Variants in NOTCH1 observed in about 807,000 individuals in gnomAD.
NOTCH1 encodes the protein neurogenic locus notch homolog protein 1.
In NOTCH1, 37 loss-of-function variants were observed where a neutral mutation model predicts 254.8. The ratio of observed to expected loss-of-function variants is 0.15; its 90% CI spans 0.11 to 0.19. The LOEUF (loss-of-function observed/expected upper bound fraction) is 0.19. NOTCH1 is among the 10% of genes least tolerant of loss of function. NOTCH1 has a pLI of 1.00. For missense variants in NOTCH1, 2,972 were observed against 3,708.6 expected (o/e 0.80, Z 5.16); for synonymous variants, 1,731 against 1,618.1 (o/e 1.07, Z -1.68).
intron 15 of NOTCH1, 134 bp downstream of exon 15, chr9:136,512,887 C>T (rs1843203025): frequency 1.5e-6 from 1 of 660,190 alleles, no homozygotes; most frequent in Non-Finnish European, 2.7e-6. Context: ...CTTTACCCTC[C>T]AGTCACGGCT....
chr9:136,499,074 C>T (rs779129110), intron 32 of NOTCH1, 38 bp downstream of exon 32: 15 of 1,612,644 alleles, frequency 9.3e-6, no homozygotes, highest in Admixed American at 3.3e-5. Flanking sequence ...GTGGCGGTCC[C>T]GCCCCACGAC....
Position 136,513,149 on chromosome 9 carries a change from A to G in NOTCH1, c.2354-15T>C, listed in dbSNP as rs1843210302. On this transcript the variant is annotated splice_polypyrimidine_tract_variant and intron_variant, in intron 14 of 33. Transcript: ENST00000651671. The surrounding 1 kb of genome is among the most constrained non-coding windows in gnomAD (Gnocchi z 4.7). ...GCAGTTGGGACCTGGAGGGAAGGGGACAGCACTCGGCATGTCCAGCACTCC... is the reference window on the plus strand; with the variant it reads ...GCAGTTGGGACCTGGAGGGAAGGGGGCAGCACTCGGCATGTCCAGCACTCC... The G allele has an allele frequency of 1.2e-6, 2 of 1,601,704 alleles. No homozygotes were observed. The highest frequency in any genetic ancestry group is 1.1e-5 in the South Asian group (1 of 90,806).
intron 4 of NOTCH1, 132 bp from the exon 5 acceptor site, chr9:136,519,697 C>T: frequency 2.3e-6 from 3 of 1,312,894 alleles, no homozygotes; most frequent in South Asian, 1.2e-5. Flanking sequence ...GGGGTCTGTG[C>T]CCGTCCCCTG....
chr9:136,517,502 G>A (rs964430189), intron 8 of NOTCH1, 117 bp from the exon 9 acceptor site: 19 of 861,202 alleles, frequency 2.2e-5, no homozygotes, highest in East Asian at 1.1e-4. Context: ...CAGCCACCAC[G>A]GGCCCCCTGC....
intron 2 of NOTCH1, among the ~76,000 whole-genome samples, chr9:136,539,749 G>A (rs978235503): frequency 6.6e-6 from 1 of 152,214 alleles, no homozygotes; most frequent in African/African-American, 2.4e-5. Flanking sequence ...AGCTCAGCAT[G>A]AGGAGGAGAA....
Position 136,507,877 on chromosome 9 carries a change from G to A in NOTCH1, c.3510+78C>T, listed in dbSNP as rs1399597288. The A allele has an allele frequency of 4.7e-6, 7 of 1,478,298 alleles. No homozygotes were observed. In the East Asian group the frequency reaches 1.1e-4, roughly 24 times the overall value. 91.6% of individuals were successfully genotyped at this position (1,478,298 alleles called of 1,614,324 possible). A position where few individuals can be genotyped will look rare whatever the true frequency, so the allele number is the denominator to read the frequency against. On this transcript the variant is annotated intron_variant, in intron 21 of 33. Coordinates refer to ENST00000651671, the MANE Select transcript of NOTCH1 (RefSeq NM_017617.5). ...CCTATCAGGTTCAGTTTTCTCCACTGGGCCAGCTCCCAGCCAGGGCCTGGT... is the reference window on the plus strand; with the variant it reads ...CCTATCAGGTTCAGTTTTCTCCACTAGGCCAGCTCCCAGCCAGGGCCTGGT...
In NOTCH1 at chr9:136,501,983, G is replaced by A. The variant is rs199812169; in HGVS notation, c.5472+18C>T. 1.2e-5 allele frequency: 20 copies of A among 1,612,110 alleles called. No homozygotes were observed. Among genetic ancestry groups the A allele is most frequent in the South Asian group, 4.4e-5 (4 of 91,082 alleles). On this transcript the variant is annotated intron_variant, in intron 29 of 33. Transcript: ENST00000651671. ...CAGGTGCCCGGGAGCCCAGGAGCCC[G>A]GGAGCCTCGCGACTCACCCGGAACT... is the stretch of plus-strand genomic sequence containing the variant.
chr9:136,510,641 G>T lies in NOTCH1; in HGVS notation c.2740+12C>A, dbSNP rs36119806. On this transcript the variant is annotated intron_variant, in intron 17 of 33. Transcript: ENST00000651671. ...GCTTCCTGGAGGAGGCCAGAGCCGC[G>T]GGGCTACTCACTGGGCCGGCAGTCG... 5 of 1,600,876 alleles carry T rather than the reference G, an allele frequency of 3.1e-6. No homozygotes were observed. Among genetic ancestry groups the T allele is most frequent in the East Asian group, 2.2e-5 (1 of 44,540 alleles).
Position 136,545,711 on chromosome 9 carries a change from T to A in NOTCH1, c.61+15A>T. The A allele has an allele frequency of 2.1e-6, 3 of 1,398,782 alleles. No individual in the cohort carries two copies. The South Asian group carries it at 4.1e-5, about 19-fold the overall frequency. 86.6% of individuals were successfully genotyped at this position (1,398,782 alleles called of 1,614,324 possible). A position where few individuals can be genotyped will look rare whatever the true frequency, so the allele number is the denominator to read the frequency against. On this transcript the variant is annotated intron_variant, in intron 1 of 33. Transcript: ENST00000651671. This position sits in a 1 kb window ranked among gnomAD's most constrained non-coding sequence, Gnocchi z 6.8. ...GGCGCGGAAAGTGGGGGCTCGCGGG[T>A]GGGTGGGCGCCTACCTCGTGCGGCG...
At chr9:136,507,735 C>A (rs771702465) in intron 21 of NOTCH1, among the ~76,000 whole-genome samples, 1 of 152,184 alleles carries the variant, frequency 6.6e-6, no homozygotes, top group Admixed American at 6.5e-5. Flanking sequence ...GAAGGGAAAA[C>A]CCCATCCCAC....
At position 136,495,390 on chromosome 9, in the gene NOTCH1, C is replaced by T. The variant is rs1842900564; in HGVS notation, c.*681G>A. Reference sequence around the variant, plus strand: ...CATGGGTGCACTCTTGGCATACACACTCCGAGAACACATTTTCACAAGCAT... The same window carrying T: ...CATGGGTGCACTCTTGGCATACACATTCCGAGAACACATTTTCACAAGCAT... On this transcript the variant is annotated 3_prime_UTR_variant, in exon 34 of 34. Coordinates refer to ENST00000651671, the MANE Select transcript of NOTCH1 (RefSeq NM_017617.5). 2.5e-6 allele frequency: 1 copy of T among 398,916 alleles called. No homozygotes were observed. Among genetic ancestry groups the T allele is most frequent in the African/African-American group, 2.1e-5 (1 of 48,652 alleles). 24.7% of individuals were successfully genotyped at this position (398,916 alleles called of 1,614,324 possible). A position where few individuals can be genotyped will look rare whatever the true frequency, so the allele number is the denominator to read the frequency against.
chr9:136,527,336 C>T (rs537631350), intron 2 of NOTCH1, among the ~76,000 whole-genome samples: 12 of 152,360 alleles, frequency 7.9e-5, no homozygotes, highest in African/African-American at 1.4e-4. Flanking sequence ...ACAGCTTTGG[C>T]GCTGGCCACA....
At chr9:136,528,575 G>A (rs1052194187) in intron 2 of NOTCH1, among the ~76,000 whole-genome samples, 8 of 151,482 alleles carry the variant, frequency 5.3e-5, no homozygotes, top group East Asian at 1.9e-4. Context: ...GGGACAGTGC[G>A]GGGGCCTCTC....
At position 136,504,848 on chromosome 9, in the gene NOTCH1, TCTG is replaced by T; in HGVS notation, c.4840_4842del (p.Gln1614del). 6.3e-7 allele frequency: 1 copy of T among 1,580,874 alleles called. No individual in the cohort carries two copies. The highest frequency in any genetic ancestry group is 8.6e-7 in the Non-Finnish European group (1 of 1,163,946). ...TCGCGGCCGTAGTAGGGGAAGATCATCTGCTGGCCGTGTGCGTCACGCTTGAAG... is the reference window on the plus strand; with the variant it reads ...TCGCGGCCGTAGTAGGGGAAGATCATCTGGCCGTGTGCGTCACGCTTGAAG... On this transcript the variant is annotated inframe_deletion, in exon 26 of 34. Coordinates refer to ENST00000651671, the MANE Select transcript of NOTCH1 (RefSeq NM_017617.5).
rs1028379824 is a variant in NOTCH1 at position 136,502,205 on chromosome 9, G to T, written c.5384+67C>A. On this transcript the variant is annotated intron_variant, in intron 28 of 33. Transcript: ENST00000651671. ...CCTGGGTCGGGAGGGGCAGACTCCC[G>T]GTGAGGATGCTCGGCCAGGTCCCAC... The T allele has an allele frequency of 9.4e-6, 12 of 1,280,248 alleles. No homozygotes were observed. In the East Asian group the frequency reaches 1.1e-4, roughly 12 times the overall value. The allele number at this position is 1,280,248 out of a possible 1,614,324, so 79.3% of individuals were successfully genotyped here.
rs1221004270 is a variant in NOTCH1, at chr9:136,513,753, G to A, written c.2208-216C>T. Among the ~76,000 whole-genome samples, 1 of 152,212 alleles carries A rather than the reference G, an allele frequency of 6.6e-6. No homozygotes were observed. Among genetic ancestry groups the A allele is most frequent in the Non-Finnish European group, 1.5e-5 (1 of 68,034 alleles). ...GTGGCTGAGTCACTTGAGGCCAGGA[G>A]TTCAAGATCAGCCTGGCCAACATGG... On this transcript the variant is annotated intron_variant, in intron 13 of 33. Coordinates refer to ENST00000651671, the MANE Select transcript of NOTCH1 (RefSeq NM_017617.5). This position sits in a 1 kb window ranked among gnomAD's most constrained non-coding sequence, Gnocchi z 4.7.
Position 136,545,741 on chromosome 9 carries a change from C to T in NOTCH1, c.46G>A (p.Ala16Thr), listed in dbSNP as rs2133408578. The change falls in exon 1 of 34, where the codon GCG becomes ACG. Residue 16 changes from alanine to threonine, a missense_variant. By Grantham distance (58) the Ala-to-Thr change is moderately conservative. Around this residue, in one of 8 missense-constraint regions of NOTCH1, gnomAD observed 374 missense variants for 496.3 expected, o/e 0.75. Coordinates refer to ENST00000651671, the MANE Select transcript of NOTCH1 (RefSeq NM_017617.5). The surrounding 1 kb of genome is among the most constrained non-coding windows in gnomAD (Gnocchi z 6.8). ...GGGCGCCTACCTCGTGCGGCGAGCG[C>T]GGGCAGCAGCGCCAGGCAGAGCAGG... ...APLLCLALLP[A>T]LAARGPRCSQ... The T allele has an allele frequency of 1.4e-6, 2 of 1,423,702 alleles. No individual in the cohort carries two copies. The highest frequency in any genetic ancestry group is 1.8e-6 in the Non-Finnish European group (2 of 1,092,860). The allele number at this position is 1,423,702 out of a possible 1,614,324, so 88.2% of individuals were successfully genotyped here. A position where few individuals can be genotyped will look rare whatever the true frequency, so the allele number is the denominator to read the frequency against.
Position 136,523,884 on chromosome 9 carries a change from C to T in NOTCH1, c.236G>A (p.Arg79His), listed in dbSNP as rs768517628. ...GCAGGCATAGTCTGCCACGCCTCTG[C>T]GGTCCACCACGTGGCATGTCCCGGC... The part of the protein sequence containing the change: ...KNAGTCHVVD[R>H]RGVADYACSC... The change falls in exon 3 of 34, where the codon CGC (arginine) becomes CAC (histidine). Residue 79 changes from arginine (R) to histidine (H), a missense_variant. By Grantham distance (29) the Arg-to-His change is conservative. Around this residue, in one of 8 missense-constraint regions of NOTCH1, gnomAD observed 374 missense variants for 496.3 expected, o/e 0.75. Coordinates refer to ENST00000651671, the MANE Select transcript of NOTCH1 (RefSeq NM_017617.5). 3.7e-6 allele frequency: 6 copies of T among 1,609,476 alleles called. No homozygotes were observed. Among genetic ancestry groups the T allele is most frequent in the South Asian group, 1.1e-5 (1 of 90,326 alleles).
Position 136,494,780 on chromosome 9 carries a change from A to C in NOTCH1, c.*1291T>G. On this transcript the variant is annotated 3_prime_UTR_variant, in exon 34 of 34. Transcript: ENST00000651671. ...TGACACACAACAGACTCATTCATTA[A>C]GATTTTTTAAACAAAATCCACCTTT... The C allele has an allele frequency of 2.5e-6, 1 of 398,764 alleles. No homozygotes were observed. The highest frequency in any genetic ancestry group is 4.4e-5 in the Admixed American group (1 of 22,740). The allele number at this position is 398,764 out of a possible 1,614,324, so 24.7% of individuals were successfully genotyped here.
Sources: allele counts gnomAD v4.1 joint callset (sites outside exome capture counted in the v4.1 genomes callset), GRCh38; gene constraint gnomAD v4.1.1; regional missense constraint gnomAD v4.1.1; non-coding constraint Gnocchi (gnomAD v3.1); transcripts MANE v1.5; gene names NCBI Gene and HGNC (gene_info 2026-07-23, HGNC 2026-07-21).